MRPS6: variants seen among roughly 807,000 people sequenced by gnomAD.
The protein encoded by MRPS6 is mitochondrial ribosomal protein S6, also known as small ribosomal subunit protein bS6m.
MRPS6 carries 6 observed loss-of-function variants against 13.1 expected under a neutral mutation model. The ratio of observed to expected loss-of-function variants is 0.46; its 90% CI spans 0.25 to 0.91. MRPS6 has a LOEUF of 0.91. Among genes scored for constraint, MRPS6 ranks in the 40% least tolerant of loss-of-function variants. The pLI is 0.18. For missense variants in MRPS6, 164 were observed against 155.6 expected, an observed-to-expected ratio of 1.05 and a Z score of -0.29; for synonymous variants, 61 against 56.5, an observed-to-expected ratio of 1.08 and a Z score of -0.36.
At chr21:34,106,709 C>T (rs1230729741) in intron 1 of MRPS6, among the ~76,000 whole-genome samples, 2 of 152,216 alleles carry the variant, frequency 1.3e-5, no homozygotes, top group Non-Finnish European at 2.9e-5. Flanking sequence ...GAGTACTTTG[C>T]GTGTATATTT....
intron 2 of MRPS6, among the ~76,000 whole-genome samples, chr21:34,140,418 G>A (rs1383588207): frequency 6.6e-6 from 1 of 152,096 alleles, no homozygotes; most frequent in Non-Finnish European, 1.5e-5. Context: ...TCCAAGTGTT[G>A]AGGCATTTTT....
chr21:34,086,095 T>C (rs1978358781), intron 1 of MRPS6, among the ~76,000 whole-genome samples: 1 of 152,246 alleles, frequency 6.6e-6, no homozygotes, highest in Admixed American at 6.5e-5. Flanking sequence ...AATAGCTTCT[T>C]ACCCCACTCT....
intron 1 of MRPS6, chr21:34,097,075 C>T: frequency 6.2e-7 from 1 of 1,614,068 alleles, no homozygotes; most frequent in Non-Finnish European, 8.5e-7. Flanking sequence ...GAGGCAGAAA[C>T]ACCAGTTGAC....
rs1297881262 is a variant in MRPS6, at chr21:34,142,545, T to C, written c.323T>C (p.Ile108Thr). The C allele has an allele frequency of 6.2e-7, 1 of 1,613,180 alleles. No homozygotes were observed. Among genetic ancestry groups the C allele is most frequent in the Non-Finnish European group, 8.5e-7 (1 of 1,179,752 alleles). The change falls in exon 3 of 3, where the codon ATT (isoleucine) becomes ACT (threonine). Residue 108 changes from isoleucine to threonine, a missense_variant. By Grantham distance (89) the Ile-to-Thr change is moderately conservative (BLOSUM62 -1). Transcript: ENST00000399312. ...CAGGAACTAAAAGAATGTGAAGGGA[T>C]TGTCCCAGTCCCACTCGCAGAAAAA... ...LTQELKECEG[I>T]VPVPLAEKLY...
At chr21:34,077,623 A>G (rs1989364849) in intron 1 of MRPS6, among the ~76,000 whole-genome samples, 1 of 152,218 alleles carries the variant, frequency 6.6e-6, no homozygotes, top group Non-Finnish European at 1.5e-5. Context: ...GAAGATAGCT[A>G]TTTTGGAAAT....
At chr21:34,076,818 T>C (rs1989343371) in intron 1 of MRPS6, among the ~76,000 whole-genome samples, 1 of 152,192 alleles carries the variant, frequency 6.6e-6, no homozygotes, top group Non-Finnish European at 1.5e-5. Flanking sequence ...TAGAAGAGTC[T>C]CTGGAATAAA....
intron 1 of MRPS6, among the ~76,000 whole-genome samples, chr21:34,108,224 G>T (rs1335471136): frequency 6.6e-6 from 1 of 152,164 alleles, no homozygotes; most frequent in Non-Finnish European, 1.5e-5. Flanking sequence ...AGCAACTTCA[G>T]TCTTGCCAGC....
chr21:34,078,761 G>A (rs938007396), intron 1 of MRPS6, among the ~76,000 whole-genome samples: 2 of 152,182 alleles, frequency 1.3e-5, no homozygotes, highest in African/African-American at 4.8e-5. Context: ...GTGGAAGGAA[G>A]GGTAGAGAAC....
At position 34,125,489 on chromosome 21, in the gene MRPS6, C is replaced by A; in HGVS notation, c.185+9C>A. ...CAGCACAACAGAGGCGGGTAAGTTT[C>A]TTCATGAAGTCTTGAAAGACGTTTT... On this transcript the variant is annotated intron_variant, in intron 2 of 2. Transcript: ENST00000399312. 6.2e-7 allele frequency: 1 copy of A among 1,612,416 alleles called. No homozygotes were observed. Among genetic ancestry groups the A allele is most frequent in the East Asian group, 2.2e-5 (1 of 44,868 alleles).
intron 1 of MRPS6, among the ~76,000 whole-genome samples, chr21:34,077,335 A>G (rs1989357060): frequency 6.6e-6 from 1 of 152,240 alleles, no homozygotes; most frequent in East Asian, 1.9e-4. Flanking sequence ...CTGAGGAAAG[A>G]AATCTGTGCA....
intron 1 of MRPS6, among the ~76,000 whole-genome samples, chr21:34,118,774 C>T (rs1055105302): frequency 7.9e-5 from 12 of 152,112 alleles, no homozygotes; most frequent in African/African-American, 2.9e-4. Context: ...CTTGGCATCC[C>T]AAAGTGCTGG....
intron 1 of MRPS6, 60 bp downstream of exon 1, chr21:34,073,805 C>T (rs1353804079): frequency 1.2e-5 from 15 of 1,290,216 alleles, no homozygotes; most frequent in Middle Eastern, 2.7e-4. Flanking sequence ...GCCGCTAGGC[C>T]GCCGTCCCCC....
At chr21:34,083,713 C>T (rs981664334) in intron 1 of MRPS6, among the ~76,000 whole-genome samples, 2 of 152,174 alleles carry the variant, frequency 1.3e-5, no homozygotes, top group Admixed American at 6.5e-5. Context: ...GCCTAAGTCT[C>T]GCAGACTTTG....
intron 2 of MRPS6, among the ~76,000 whole-genome samples, chr21:34,126,137 A>G (rs565160114): frequency 6.6e-6 from 1 of 152,280 alleles, no homozygotes; most frequent in South Asian, 2.1e-4. Flanking sequence ...TTAGCGCGGT[A>G]GGAAAAGTCC....
chr21:34,073,610 A>G lies in MRPS6; in HGVS notation c.-91A>G, dbSNP rs1391350677. 15 of 1,138,060 alleles carry G rather than the reference A, an allele frequency of 1.3e-5. No individual in the cohort carries two copies. The highest frequency in any genetic ancestry group is 6.5e-5 in the East Asian group (2 of 30,856). The allele number at this position is 1,138,060 out of a possible 1,614,324, so 70.5% of individuals were successfully genotyped here. ...CCGCCTGGGAGCCGTCCGGCGCAGC[A>G]GTTTCTAGGTCCCCACTGTCCCCGC... On this transcript the variant is annotated 5_prime_UTR_variant, in exon 1 of 3. Coordinates refer to ENST00000399312, the MANE Select transcript of MRPS6 (RefSeq NM_032476.4).
At chr21:34,101,356 A>G in intron 1 of MRPS6, 1 of 1,000,180 alleles carries the variant, frequency 1.0e-6, no homozygotes, top group South Asian at 4.7e-5. Context: ...TAAGCATTAT[A>G]AAGTACGAAG....
intron 2 of MRPS6, among the ~76,000 whole-genome samples, chr21:34,132,365 C>T (rs932019973): frequency 5.9e-5 from 9 of 152,156 alleles, no homozygotes; most frequent in South Asian, 2.1e-4. Flanking sequence ...CAGCCCCGGG[C>T]GCATAGCAGC....
At chr21:34,125,666 T>G (rs531501565) in intron 2 of MRPS6, among the ~76,000 whole-genome samples, 186 bp downstream of exon 2, 3 of 152,320 alleles carry the variant, frequency 2.0e-5, no homozygotes, top group Admixed American at 6.5e-5. Flanking sequence ...CTTCGTGGAC[T>G]ATGATCTGAG....
intron 2 of MRPS6, among the ~76,000 whole-genome samples, chr21:34,129,730 C>T (rs1012047751): frequency 1.3e-5 from 2 of 152,162 alleles, no homozygotes; most frequent in East Asian, 3.9e-4. Flanking sequence ...CGTTAGCTAA[C>T]ATTTCCATGT....
Sources: gnomAD v4.1 joint callset for allele counts (sites outside exome capture counted in the v4.1 genomes callset) on GRCh38, gnomAD v4.1.1 for gene constraint, MANE v1.5 for transcripts, NCBI Gene and HGNC (gene_info 2026-07-23, HGNC 2026-07-21) for gene names.